Variants in MAP7D2 observed in about 807,000 individuals in gnomAD.
MAP7D2 encodes MAP7 domain containing 2, also known as MAP7 domain-containing protein 2.
Under a neutral mutation model 63.5 loss-of-function variants are expected in MAP7D2, and 33 were observed. The ratio of observed to expected loss-of-function variants is 0.52; its 90% CI spans 0.39 to 0.70. The LOEUF (loss-of-function observed/expected upper bound fraction) is 0.70. MAP7D2 is among the 30% of genes least tolerant of loss of function. The pLI is 0.00. For missense variants in MAP7D2, 626 were observed against 604.0 expected, an observed-to-expected ratio of 1.04 and a Z score of -0.38; for synonymous variants, 224 against 223.7, an observed-to-expected ratio of 1.00 and a Z score of -0.01.
intron 8 of MAP7D2, among the ~76,000 whole-genome samples, chrX:20,036,535 C>G (rs1278150421): frequency 1.9e-5 from 2 of 107,092 alleles, no homozygotes; most frequent in South Asian, 4.3e-4. Context: ...AGCCACCGCG[C>G]CTGGCCTGTG....
In MAP7D2 at chrX:20,091,436, G is replaced by A. The variant is rs1019005972; in HGVS notation, c.130+25314C>T. 3.0e-3 allele frequency among the ~76,000 whole-genome samples: 326 copies of A among 108,859 alleles called. 3 individuals are homozygous for A. The highest frequency in any genetic ancestry group is 5.3e-3 in the Non-Finnish European group (276 of 52,174). The allele number at this position is 108,859 out of a possible 115,157, so 94.5% of individuals were successfully genotyped here. On this transcript the variant is annotated intron_variant, in intron 1 of 16. Coordinates refer to ENST00000379643, the MANE Select transcript of MAP7D2 (RefSeq NM_001168465.2). ...TGTAATCCCAGCACTTTGGGAGGCC[G>A]AGATGGGTGGATCACCTGAGGTCAT...
At chrX:20,012,770 C>T (rs1368134600) in intron 14 of MAP7D2, among the ~76,000 whole-genome samples, 1 of 112,087 alleles carries the variant, frequency 8.9e-6, no homozygotes, top group Non-Finnish European at 1.9e-5. Flanking sequence ...CAGGTCCTAA[C>T]AGTAATAAAA....
intron 12 of MAP7D2, among the ~76,000 whole-genome samples, chrX:20,014,067 A>G (rs777591424): frequency 8.9e-6 from 1 of 111,970 alleles, no homozygotes; most frequent in South Asian, 3.7e-4. Flanking sequence ...CCATGAGAAT[A>G]CTCCTTTATA....
intron 1 of MAP7D2, among the ~76,000 whole-genome samples, chrX:20,105,843 T>C (rs1200692728): frequency 1.8e-5 from 2 of 112,388 alleles, no homozygotes; most frequent in Non-Finnish European, 3.8e-5. Context: ...AATACCATGC[T>C]TTCTGTCTTA....
intron 8 of MAP7D2, among the ~76,000 whole-genome samples, chrX:20,027,545 A>G (rs1347821237): frequency 1.8e-5 from 2 of 110,737 alleles, no homozygotes; most frequent in Non-Finnish European, 1.9e-5. Context: ...CCTGGCCTCC[A>G]TTCACTAGAT....
chrX:20,033,859 A>T (rs1320716066), intron 8 of MAP7D2, among the ~76,000 whole-genome samples: 1 of 112,118 alleles, frequency 8.9e-6, no homozygotes, highest in African/African-American at 3.2e-5. Flanking sequence ...AAAATCAAGT[A>T]AGTCTTTTTT....
chrX:20,023,816 C>G lies in MAP7D2; in HGVS notation c.1412+1135G>C, dbSNP rs777407042. ...TCACACACCTTAAGGCCCACCCAAACCAGCCCAAACATGCCACTCGACAAA... is the reference window on the plus strand; with the variant it reads ...TCACACACCTTAAGGCCCACCCAAAGCAGCCCAAACATGCCACTCGACAAA... On this transcript the variant is annotated intron_variant, in intron 10 of 16. Transcript: ENST00000379643. 3.6e-5 allele frequency among the ~76,000 whole-genome samples: 4 copies of G among 111,426 alleles called. No individual in the cohort carries two copies. In the South Asian group the frequency reaches 1.5e-3, roughly 42 times the overall value.
At chrX:20,059,904 G>C (rs1268086843) in intron 3 of MAP7D2, among the ~76,000 whole-genome samples, 2 of 111,628 alleles carry the variant, frequency 1.8e-5, no homozygotes, top group South Asian at 3.8e-4. Context: ...TGAACTGGCT[G>C]AACAGTATTA....
chrX:20,045,388 A>G (rs1286838496), intron 6 of MAP7D2, among the ~76,000 whole-genome samples: 1 of 109,149 alleles, frequency 9.2e-6, no homozygotes, highest in East Asian at 2.8e-4. Flanking sequence ...TTAGCTTGGC[A>G]TGGGGGCACA....
chrX:20,064,883 T>C lies in MAP7D2; in HGVS notation c.131-78A>G, dbSNP rs1227742445. On this transcript the variant is annotated intron_variant, in intron 1 of 16. Transcript: ENST00000379643. Reference sequence around the variant, plus strand: ...GCTAAGTACTATAGGCAACTGGGCATGGCACCCGAGTCTGACTGCACGTGC... The same window carrying C: ...GCTAAGTACTATAGGCAACTGGGCACGGCACCCGAGTCTGACTGCACGTGC... 8 of 880,329 alleles carry C rather than the reference T, an allele frequency of 9.1e-6. No homozygotes were observed. The South Asian group carries it at 1.5e-4, about 16-fold the overall frequency. The allele number at this position is 880,329 out of a possible 1,213,427, so 72.5% of individuals were successfully genotyped here.
chrX:20,024,636 G>A (rs767338055), intron 10 of MAP7D2, among the ~76,000 whole-genome samples: 2 of 112,102 alleles, frequency 1.8e-5, no homozygotes, highest in South Asian at 7.5e-4. Flanking sequence ...ACAAAGTTCA[G>A]ACTTCCCTGA....
At chrX:20,049,422 C>T (rs1198799965) in intron 6 of MAP7D2, among the ~76,000 whole-genome samples, 1 of 108,971 alleles carries the variant, frequency 9.2e-6, no homozygotes, top group African/African-American at 3.3e-5. Flanking sequence ...CAGGTGTGCA[C>T]CACCACACCC....
At chrX:20,097,750 G>C (rs1306553802) in intron 1 of MAP7D2, among the ~76,000 whole-genome samples, 2 of 111,427 alleles carry the variant, frequency 1.8e-5, no homozygotes, top group Non-Finnish European at 3.8e-5. Context: ...CTTCCAGGTG[G>C]GAAGTGCTGT....
chrX:20,101,874 G>A (rs948972125), intron 1 of MAP7D2, among the ~76,000 whole-genome samples: 2 of 112,507 alleles, frequency 1.8e-5, no homozygotes, highest in Admixed American at 9.4e-5. Context: ...CAACATGAAT[G>A]TACTTAATGC....
In MAP7D2 at chrX:20,064,450, CA is replaced by C. The variant is rs1235391323; in HGVS notation, c.208+277del. Among the ~76,000 whole-genome samples the C allele has an allele frequency of 2.7e-5, 3 of 112,155 alleles. No individual in the cohort carries two copies. The East Asian group carries it at 8.4e-4, about 31-fold the overall frequency. ...TGAAGGTGTTAGGACTTCCTTAGAT[CA>C]GGGGCAGCGACTGTTTCTCTTTCTT... On this transcript the variant is annotated intron_variant, in intron 2 of 16. Transcript: ENST00000379643.
intron 1 of MAP7D2, chrX:20,116,444 A>C: frequency 6.7e-6 from 3 of 445,438 alleles, no homozygotes; most frequent in Non-Finnish European, 5.7e-6. Flanking sequence ...GAGGACGGGG[A>C]CTGGACCCGC....
chrX:20,110,712 C>G (rs1009414890), intron 1 of MAP7D2, among the ~76,000 whole-genome samples: 1 of 107,005 alleles, frequency 9.3e-6, no homozygotes, highest in Non-Finnish European at 1.9e-5. Context: ...ATAGGTTACA[C>G]GCAAATACTA....
Position 20,007,883 on chromosome X carries a change from A to G in MAP7D2, c.*542T>C, listed in dbSNP as rs1359668270. 1 of 112,371 alleles carries G rather than the reference A, an allele frequency of 8.9e-6. No homozygotes were observed. Among genetic ancestry groups the G allele is most frequent in the Non-Finnish European group, 1.9e-5 (1 of 53,310 alleles). The allele number at this position is 112,371 out of a possible 1,213,427, so 9.3% of individuals were successfully genotyped here. The stretch of plus-strand genomic sequence containing the variant: ...TGGCAAAGCTTAACAACAATTTTTT[A>G]AAGGCTTCTTGATACTGCTTTCCAA... On this transcript the variant is annotated 3_prime_UTR_variant, in exon 17 of 17. Coordinates refer to ENST00000379643, the MANE Select transcript of MAP7D2 (RefSeq NM_001168465.2).
intron 8 of MAP7D2, among the ~76,000 whole-genome samples, chrX:20,029,514 T>C: frequency 8.9e-6 from 1 of 112,152 alleles, no homozygotes; most frequent in East Asian, 2.8e-4. Flanking sequence ...CTTGCTTGTT[T>C]TAAGAGAATG....
Sources: allele counts gnomAD v4.1 joint callset (sites outside exome capture counted in the v4.1 genomes callset), GRCh38; gene constraint gnomAD v4.1.1; transcripts MANE v1.5; gene names NCBI Gene and HGNC (gene_info 2026-07-23, HGNC 2026-07-21).